Variants in SHB observed in about 807,000 individuals in gnomAD.
SHB encodes SH2 domain containing adaptor protein B, also known as SH2 domain-containing adapter protein B.
A neutral mutation model predicts 52.3 loss-of-function variants in SHB; 20 were observed. That is an observed-to-expected ratio of 0.38 (90% CI 0.27 to 0.56). SHB has a LOEUF of 0.56. SHB is among the 20% of genes least tolerant of loss of function. The pLI is 0.71. For synonymous variants in SHB, 397 were observed against 316.5 expected, an observed-to-expected ratio of 1.25 and a Z score of -2.70; for missense variants, 825 against 723.3, an observed-to-expected ratio of 1.14 and a Z score of -1.61.
At chr9:37,995,718 C>T (rs72726020) in intron 2 of SHB, among the ~76,000 whole-genome samples, 2 of 152,266 alleles carry the variant, frequency 1.3e-5, no homozygotes, top group Non-Finnish European at 2.9e-5. Flanking sequence ...CAAGGGTGCT[C>T]GACAAACTTA....
chr9:37,996,872 A>G (rs142065937), intron 2 of SHB, among the ~76,000 whole-genome samples: 123 of 152,336 alleles, frequency 8.1e-4, no homozygotes, highest in African/African-American at 2.8e-3. Flanking sequence ...TGCTGGCTCT[A>G]ACTGCCCTGT....
rs144192036 is a variant in SHB, at chr9:37,952,236, T to C, written c.1227-3482A>G. Among the ~76,000 whole-genome samples, 301 of 152,258 alleles carry C rather than the reference T, an allele frequency of 2.0e-3. 1 individual carries two copies. The highest frequency in any genetic ancestry group is 6.9e-3 in the African/African-American group (288 of 41,564). On this transcript the variant is annotated intron_variant, in intron 4 of 5. Transcript: ENST00000377707. ...TATGATAAGGCAGTGACTGGGGCTG[T>C]ATGAGATGCCCGCTTAGAAATGAAT...
intron 5 of SHB, among the ~76,000 whole-genome samples, chr9:37,931,888 C>T (rs74307818): frequency 0.037 from 5,628 of 152,224 alleles, 158 homozygotes; most frequent in East Asian, 0.1. Flanking sequence ...GTATGTATGA[C>T]AGAATACTAT....
At chr9:38,005,623 GGAGCCTTAGGGA>G (rs1821068040) in intron 2 of SHB, among the ~76,000 whole-genome samples, 1 of 152,104 alleles carries the variant, frequency 6.6e-6, no homozygotes, top group South Asian at 2.1e-4. Flanking sequence ...GCTTCCTCTC[GGAGCCTTAGGGA>G]GAGTCCTGGT....
In SHB at chr9:38,040,013, C is replaced by T. The variant is rs187522824; in HGVS notation, c.718-23882G>A. Among the ~76,000 whole-genome samples, 952 of 152,348 alleles carry T rather than the reference C, an allele frequency of 6.2e-3. 1 individual carries two copies. Among genetic ancestry groups the T allele is most frequent in the Non-Finnish European group, 0.011 (750 of 68,040 alleles). Reference sequence around the variant, plus strand: ...GCTGCGCCCCAGGCGTGTTTACAGCCGCCTAATTCTTGTGGTGATTGTTTC... The same window carrying T: ...GCTGCGCCCCAGGCGTGTTTACAGCTGCCTAATTCTTGTGGTGATTGTTTC... On this transcript the variant is annotated intron_variant, in intron 1 of 5. Transcript: ENST00000377707.
intron 1 of SHB, among the ~76,000 whole-genome samples, chr9:38,063,420 C>T (rs1821919149): frequency 6.6e-6 from 1 of 152,236 alleles, no homozygotes; most frequent in Admixed American, 6.5e-5. Context: ...CCCTGCTGCC[C>T]CCAGCCATCC....
At chr9:38,003,102 A>C (rs931690514) in intron 2 of SHB, among the ~76,000 whole-genome samples, 6 of 152,130 alleles carry the variant, frequency 3.9e-5, no homozygotes, top group African/African-American at 1.4e-4. Flanking sequence ...ACAATAATTA[A>C]AAATATTGTC....
chr9:37,981,231 T>G (rs546064714), intron 2 of SHB, among the ~76,000 whole-genome samples: 1 of 152,368 alleles, frequency 6.6e-6, no homozygotes, highest in Non-Finnish European at 1.5e-5. Context: ...TTGTTTTGCA[T>G]AGCCACCTTC....
rs117423380 is a variant in SHB, at chr9:37,972,503, G to A, written c.1054+2119C>T. Reference sequence around the variant, plus strand: ...CCTTGAGGACCTCACAGCCTGGCAGGCAAGACCAACATCTACAGAACTAAC... The same window carrying A: ...CCTTGAGGACCTCACAGCCTGGCAGACAAGACCAACATCTACAGAACTAAC... On this transcript the variant is annotated intron_variant, in intron 3 of 5. Transcript: ENST00000377707. Among the ~76,000 whole-genome samples, 99 of 152,320 alleles carry A rather than the reference G, an allele frequency of 6.5e-4. 4 individuals are homozygous for A. The East Asian group carries it at 0.014, about 22-fold the overall frequency.
intron 1 of SHB, 21 bp downstream of exon 1, chr9:38,067,908 A>G: frequency 6.9e-7 from 1 of 1,453,538 alleles, no homozygotes; most frequent in Non-Finnish European, 9.0e-7. Context: ...AACCTCGGGA[A>G]GAGGCCAAGG....
chr9:38,008,168 A>T (rs1453819261), intron 2 of SHB, among the ~76,000 whole-genome samples: 1 of 152,156 alleles, frequency 6.6e-6, no homozygotes, highest in African/African-American at 2.4e-5. Context: ...TCCTTGGCCT[A>T]TTCCAGGCCT....
intron 2 of SHB, among the ~76,000 whole-genome samples, chr9:37,991,020 T>C (rs1031113481): frequency 2.6e-5 from 4 of 152,246 alleles, no homozygotes; most frequent in Non-Finnish European, 5.9e-5. Flanking sequence ...TTACCTCCTA[T>C]AAGCCTGTAT....
At chr9:37,953,142 T>C (rs536339359) in intron 4 of SHB, among the ~76,000 whole-genome samples, 91 of 151,734 alleles carry the variant, frequency 6.0e-4, no homozygotes, top group African/African-American at 2.1e-3. Context: ...TGGTCAACTG[T>C]GGTGACTGCC....
intron 2 of SHB, among the ~76,000 whole-genome samples, chr9:37,993,034 C>T (rs917366729): frequency 3.3e-5 from 5 of 152,142 alleles, no homozygotes; most frequent in Middle Eastern, 3.2e-3. Context: ...AGTGTCTCAG[C>T]CAGGAGTTAG....
chr9:38,058,105 C>G (rs1821843704), intron 1 of SHB, among the ~76,000 whole-genome samples: 2 of 152,232 alleles, frequency 1.3e-5, no homozygotes, highest in Admixed American at 1.3e-4. Flanking sequence ...TCTGGCCACC[C>G]CTGACTGCAC....
chr9:37,961,688 T>C (rs148386653), intron 3 of SHB, among the ~76,000 whole-genome samples: 13 of 152,366 alleles, frequency 8.5e-5, no homozygotes, highest in Non-Finnish European at 1.9e-4. Context: ...TACTTCACTA[T>C]TTCTCTGCAA....
chr9:37,922,039 ACAT>A (rs1168204072), intron 5 of SHB, among the ~76,000 whole-genome samples: 2 of 152,224 alleles, frequency 1.3e-5, no homozygotes, highest in Admixed American at 1.3e-4. Flanking sequence ...GACCCTGGGC[ACAT>A]CATTCCCCTC....
chr9:37,947,998 C>G (rs530313626), intron 5 of SHB, among the ~76,000 whole-genome samples: 38 of 152,228 alleles, frequency 2.5e-4, no homozygotes, highest in Non-Finnish European at 5.3e-4. Context: ...CTAAAACATG[C>G]TTTTCTTATT....
intron 2 of SHB, among the ~76,000 whole-genome samples, chr9:38,002,973 C>A (rs918561864): frequency 1.3e-5 from 2 of 152,106 alleles, no homozygotes; most frequent in African/African-American, 2.4e-5. Context: ...TAGTACGGAG[C>A]CTTGGGAATT....
Sources: gnomAD v4.1 joint callset for allele counts (sites outside exome capture counted in the v4.1 genomes callset) on GRCh38, gnomAD v4.1.1 for gene constraint, MANE v1.5 for transcripts, NCBI Gene and HGNC (gene_info 2026-07-23, HGNC 2026-07-21) for gene names.